SAMD3: variants seen among roughly 807,000 people sequenced by gnomAD.
SAMD3 encodes the protein sterile alpha motif domain containing 3, also known as sterile alpha motif domain-containing protein 3.
Under a neutral mutation model 58.5 loss-of-function variants are expected in SAMD3, and 63 were observed. That is an observed-to-expected ratio of 1.08 (90% CI 0.88 to 1.33). The LOEUF is 1.33. Ranked by LOEUF, SAMD3 falls within the 40% of genes most tolerant of loss-of-function variation. The pLI is 0.00. For synonymous variants in SAMD3, 220 were observed against 210.3 expected, an observed-to-expected ratio of 1.05 and a Z score of -0.40; for missense variants, 604 against 608.4, an observed-to-expected ratio of 0.99 and a Z score of 0.08.
chr6:130,247,812 T>A (rs1174213785), intron 2 of SAMD3, among the ~76,000 whole-genome samples: 1 of 152,234 alleles, frequency 6.6e-6, no homozygotes, highest in African/African-American at 2.4e-5. Context: ...ATGAATGTTA[T>A]TATTAGGTTA....
chr6:130,218,292 A>C (rs929956038), intron 1 of SAMD3, among the ~76,000 whole-genome samples: 7 of 152,234 alleles, frequency 4.6e-5, no homozygotes, highest in Non-Finnish European at 7.3e-5. Flanking sequence ...AAGAAGGGCC[A>C]GTTCCTCCTC....
At position 130,154,718 on chromosome 6, in the gene SAMD3, AAT is replaced by A. The variant is rs147697847; in HGVS notation, c.1023+105_1023+106del. Reference sequence around the variant, plus strand: ...CTGAAAAAAAAAAAAAAAAAAAAAAAATATATATATATATATATATATATGTA... The same window carrying A: ...CTGAAAAAAAAAAAAAAAAAAAAAAAATATATATATATATATATATATGTA... On this transcript the variant is annotated intron_variant, in intron 9 of 11. Transcript: ENST00000439090. The A allele has an allele frequency of 8.9e-3, 647 of 72,476 alleles. 11 individuals are homozygous for A. Among genetic ancestry groups the A allele is most frequent in the African/African-American group, 0.017 (259 of 15,274 alleles). 4.5% of individuals were successfully genotyped at this position (72,476 alleles called of 1,614,324 possible).
intron 2 of SAMD3, among the ~76,000 whole-genome samples, chr6:130,255,696 A>G (rs2114915437): frequency 6.6e-6 from 1 of 152,106 alleles, no homozygotes; most frequent in East Asian, 1.9e-4. Flanking sequence ...ATCTGACTAC[A>G]TGGCACAGGC....
chr6:130,238,660 C>T (rs1773249749), intron 2 of SAMD3, among the ~76,000 whole-genome samples: 1 of 152,164 alleles, frequency 6.6e-6, no homozygotes, highest in African/African-American at 2.4e-5. Context: ...TGTCCACATG[C>T]CCATATGGAC....
intron 1 of SAMD3, among the ~76,000 whole-genome samples, chr6:130,320,531 C>G (rs999798360): frequency 6.6e-6 from 1 of 152,096 alleles, no homozygotes; most frequent in African/African-American, 2.4e-5. Flanking sequence ...TCAGGTATTG[C>G]GTGCTCATGT....
At chr6:130,192,154 G>A (rs770426409) in intron 5 of SAMD3, among the ~76,000 whole-genome samples, 10 of 152,124 alleles carry the variant, frequency 6.6e-5, no homozygotes, top group Non-Finnish European at 1.2e-4. Flanking sequence ...ATTTTCCTAC[G>A]TCCTTGTTGA....
intron 2 of SAMD3, among the ~76,000 whole-genome samples, chr6:130,262,224 A>G (rs891849701): frequency 6.6e-6 from 1 of 152,120 alleles, no homozygotes; most frequent in Non-Finnish European, 1.5e-5. Flanking sequence ...CCTTCCTATC[A>G]AAAATCCTTG....
At chr6:130,308,300 G>C (rs1431425537) in intron 2 of SAMD3, among the ~76,000 whole-genome samples, 1 of 151,930 alleles carries the variant, frequency 6.6e-6, no homozygotes, top group Non-Finnish European at 1.5e-5. Flanking sequence ...TCTGGAGAGA[G>C]TCGAGGTCCT....
At chr6:130,208,096 T>C (rs1795234463) in intron 5 of SAMD3, among the ~76,000 whole-genome samples, 1 of 152,212 alleles carries the variant, frequency 6.6e-6, no homozygotes, top group African/African-American at 2.4e-5. Flanking sequence ...TCGGTTGTAC[T>C]CATTTACAAA....
intron 1 of SAMD3, among the ~76,000 whole-genome samples, chr6:130,344,594 C>T (rs1184905667): frequency 1.3e-5 from 2 of 152,028 alleles, no homozygotes; most frequent in Non-Finnish European, 1.5e-5. Flanking sequence ...GTTGGCCAGG[C>T]TGGTCTTGAA....
chr6:130,321,719 T>C (rs1322149237), intron 1 of SAMD3, among the ~76,000 whole-genome samples: 2 of 99,874 alleles, frequency 2.0e-5, no homozygotes, highest in African/African-American at 6.3e-5. Flanking sequence ...TAAAATAAGA[T>C]GAGAACAGCA....
In SAMD3 at chr6:130,154,889, A is replaced by G. The variant is rs140462541; in HGVS notation, c.959T>C (p.Ile320Thr). 21 of 1,613,406 alleles carry G rather than the reference A, an allele frequency of 1.3e-5. No individual in the cohort carries two copies. The highest frequency in any genetic ancestry group is 1.2e-4 in the African/African-American group (9 of 74,890). ...SQTLEIRRKM[I>T]GSRTPLKDIL... is the part of the protein sequence containing the mutation. ...GTCCTTCAGAGGTGTTCGGCTGCCA[A>G]TCATCTTTCTTCTTATTTCCAAAGT... is the stretch of plus-strand genomic sequence containing the variant. The change falls in exon 9 of 12, where the codon ATT (isoleucine) becomes ACT (threonine). Residue 320 changes from isoleucine (I) to threonine (T), a missense_variant. Ile to Thr is a moderately conservative substitution (Grantham distance 89). Coordinates refer to ENST00000439090, the MANE Select transcript of SAMD3 (RefSeq NM_001017373.4).
chr6:130,203,730 C>T (rs1441686172), intron 5 of SAMD3, among the ~76,000 whole-genome samples: 1 of 152,224 alleles, frequency 6.6e-6, no homozygotes, highest in Admixed American at 6.5e-5. Context: ...TCGTCTCATA[C>T]TTCCCCAACC....
chr6:130,293,135 C>A (rs776083151), intron 2 of SAMD3, among the ~76,000 whole-genome samples: 1 of 152,204 alleles, frequency 6.6e-6, no homozygotes, highest in Admixed American at 6.5e-5. Flanking sequence ...GGGAACTTGA[C>A]AGTTGCATCT....
At chr6:130,275,521 A>G (rs1774743974) in intron 2 of SAMD3, among the ~76,000 whole-genome samples, 1 of 152,174 alleles carries the variant, frequency 6.6e-6, no homozygotes, top group Non-Finnish European at 1.5e-5. Flanking sequence ...TATAATAACC[A>G]CTATATAATT....
chr6:130,297,601 G>T (rs1013452093), intron 2 of SAMD3, among the ~76,000 whole-genome samples: 2 of 152,092 alleles, frequency 1.3e-5, no homozygotes, highest in Non-Finnish European at 2.9e-5. Context: ...AACTCAATGA[G>T]ATCCAAGAGA....
At chr6:130,148,003 G>GATTC (rs1319760153) in intron 9 of SAMD3, among the ~76,000 whole-genome samples, 1 of 152,198 alleles carries the variant, frequency 6.6e-6, no homozygotes, top group Non-Finnish European at 1.5e-5. Context: ...GATTAGAAAT[G>GATTC]GAATTCACCA....
At chr6:130,245,615 A>G (rs1005802906) in intron 2 of SAMD3, among the ~76,000 whole-genome samples, 2 of 152,236 alleles carry the variant, frequency 1.3e-5, no homozygotes, top group Non-Finnish European at 2.9e-5. Context: ...TGGTGGCCGC[A>G]ACACAATAAG....
chr6:130,257,039 T>C (rs1230601334), intron 2 of SAMD3, among the ~76,000 whole-genome samples: 1 of 152,174 alleles, frequency 6.6e-6, no homozygotes, highest in African/African-American at 2.4e-5. Context: ...TAACCCCCAA[T>C]ATGACTATGT....
Sources: gnomAD v4.1 joint callset for allele counts (sites outside exome capture counted in the v4.1 genomes callset) on GRCh38, gnomAD v4.1.1 for gene constraint, MANE v1.5 for transcripts, NCBI Gene and HGNC (gene_info 2026-07-23, HGNC 2026-07-21) for gene names.